The following TMEM182 variants were observed in gnomAD, a reference collection of about 807,000 sequenced individuals.
TMEM182 encodes the protein transmembrane protein 182.
A neutral mutation model predicts 26.8 loss-of-function variants in TMEM182; 20 were observed. The observed-to-expected ratio is 0.75, with a 90% CI of 0.53 to 1.09. The LOEUF (loss-of-function observed/expected upper bound fraction) is 1.09. Ranked by LOEUF, TMEM182 falls within the 50% of genes least tolerant of loss-of-function variation. TMEM182 has a pLI of 0.00. For missense variants in TMEM182, 277 were observed against 275.5 expected (o/e 1.01, Z -0.04); for synonymous variants, 109 against 102.2 (o/e 1.07, Z -0.40).
chr2:102,800,522 A>C (rs1682074182), intron 4 of TMEM182, among the ~76,000 whole-genome samples: 1 of 152,158 alleles, frequency 6.6e-6, no homozygotes, highest in African/African-American at 2.4e-5. Flanking sequence ...TGGCCAAAAA[A>C]ATTTTTCTCA....
chr2:102,772,038 A>T (rs1680696602), intron 3 of TMEM182, among the ~76,000 whole-genome samples: 1 of 152,174 alleles, frequency 6.6e-6, no homozygotes, highest in African/African-American at 2.4e-5. Flanking sequence ...TTATACTCAT[A>T]CTGCTTACAC....
Position 102,762,142 on chromosome 2 carries a change from G to GTT in TMEM182, c.-75_-74dup. 1 of 852,432 alleles carries GTT rather than the reference G, an allele frequency of 1.2e-6. No individual in the cohort carries two copies. The highest frequency in any genetic ancestry group is 3.3e-5 in the East Asian group (1 of 29,880). 52.8% of individuals were successfully genotyped at this position (852,432 alleles called of 1,614,324 possible). A position where few individuals can be genotyped will look rare whatever the true frequency, so the allele number is the denominator to read the frequency against. On this transcript the variant is annotated 5_prime_UTR_variant, in exon 1 of 5. Coordinates refer to ENST00000412401, the MANE Select transcript of TMEM182 (RefSeq NM_144632.5). ...TTATTCTTTTTTTTTTTTTTTTGCT[G>GTT]TTGTTTCTGAGAAACTAGGTGTCTT...
At chr2:102,803,347 C>T (rs1176341879) in intron 4 of TMEM182, among the ~76,000 whole-genome samples, 4 of 152,184 alleles carry the variant, frequency 2.6e-5, no homozygotes, top group East Asian at 1.9e-4. Flanking sequence ...GCAGCTCACC[C>T]GTCCTTCCCT....
At chr2:102,770,137 A>G (rs1680611903) in intron 3 of TMEM182, among the ~76,000 whole-genome samples, 1 of 152,182 alleles carries the variant, frequency 6.6e-6, no homozygotes, top group Admixed American at 6.6e-5. Flanking sequence ...AAGAAGAAAG[A>G]CAGCCCACAA....
chr2:102,783,068 C>T (rs992573092), intron 3 of TMEM182, among the ~76,000 whole-genome samples: 2 of 152,028 alleles, frequency 1.3e-5, no homozygotes, highest in Non-Finnish European at 2.9e-5. Context: ...AACTTGTTTC[C>T]AGAGCAACAG....
At chr2:102,838,220 A>G (rs150589347) in intron 3 of TMEM182, among the ~76,000 whole-genome samples, 1 of 152,238 alleles carries the variant, frequency 6.6e-6, no homozygotes, top group East Asian at 1.9e-4. Context: ...TTTGAGGGAT[A>G]GCTATGTTGT....
chr2:102,781,199 A>G (rs1489058316), intron 3 of TMEM182, among the ~76,000 whole-genome samples: 1 of 152,164 alleles, frequency 6.6e-6, no homozygotes, highest in Non-Finnish European at 1.5e-5. Flanking sequence ...TTATATTCTG[A>G]AGGAACAGCT....
At chr2:102,790,553 C>A (rs1432677431) in intron 3 of TMEM182, among the ~76,000 whole-genome samples, 1 of 152,198 alleles carries the variant, frequency 6.6e-6, no homozygotes, top group African/African-American at 2.4e-5. Context: ...CATAGATATG[C>A]AGAAGCACAC....
chr2:102,835,113 G>A (rs952315187), intron 3 of TMEM182, among the ~76,000 whole-genome samples: 51 of 152,274 alleles, frequency 3.3e-4, no homozygotes, highest in African/African-American at 1.2e-3. Context: ...GAGAAGTGCT[G>A]TAGAAATGCT....
At chr2:102,798,310 G>A (rs1284502439) in intron 4 of TMEM182, among the ~76,000 whole-genome samples, 1 of 152,132 alleles carries the variant, frequency 6.6e-6, no homozygotes, top group Non-Finnish European at 1.5e-5. Flanking sequence ...AGAAAACTCT[G>A]TCACTGACTC....
At position 102,815,805 on chromosome 2, in the gene TMEM182, TATTGCTATC is replaced by T; in HGVS notation, c.*841_*849del. 1 of 916,878 alleles carries T rather than the reference TATTGCTATC, an allele frequency of 1.1e-6. No homozygotes were observed. The highest frequency in any genetic ancestry group is 1.3e-6 in the Non-Finnish European group (1 of 767,818). 56.8% of individuals were successfully genotyped at this position (916,878 alleles called of 1,614,324 possible). ...TTTTAAAATTCTCATTTAAAAATTA[TATTGCTATC>T]ATTCAGCATGTGAAAATTTATTGAT... On this transcript the variant is annotated 3_prime_UTR_variant, in exon 5 of 5. Coordinates refer to ENST00000412401, the MANE Select transcript of TMEM182 (RefSeq NM_144632.5).
chr2:102,774,929 C>CTTAGTCTAGATTATTTGTTTAAATAT, intron 3 of TMEM182, among the ~76,000 whole-genome samples: 1 of 152,102 alleles, frequency 6.6e-6, no homozygotes, highest in Non-Finnish European at 1.5e-5. Context: ...AATTGTTTTA[C>CTTAGTCTAGATTATTTGTTTAAATAT]TTAGTCTAGA....
intron 3 of TMEM182, among the ~76,000 whole-genome samples, chr2:102,780,268 T>C (rs745916562): frequency 6.6e-6 from 1 of 152,190 alleles, no homozygotes; most frequent in Non-Finnish European, 1.5e-5. Flanking sequence ...TTAGTTGGCT[T>C]CCTTTCATAC....
At chr2:102,794,486 C>G (rs1681783324) in intron 3 of TMEM182, among the ~76,000 whole-genome samples, 1 of 152,218 alleles carries the variant, frequency 6.6e-6, no homozygotes, top group African/African-American at 2.4e-5. Context: ...TCCTGTAGAA[C>G]AGGTCTGTTG....
chr2:102,774,250 C>CTTTTTTTTTTTT (rs774047240), intron 3 of TMEM182, among the ~76,000 whole-genome samples: 144 of 96,088 alleles, frequency 1.5e-3, no homozygotes, highest in East Asian at 2.8e-3. Flanking sequence ...TTCTTTCTTT[C>CTTTTTTTTTTTT]TTTTTTTTTT....
chr2:102,761,795 G>T (rs1228249901), upstream of TMEM182, among the ~76,000 whole-genome samples: 1 of 152,190 alleles, frequency 6.6e-6, no homozygotes, highest in Non-Finnish European at 1.5e-5. Flanking sequence ...AAGATTTGGG[G>T]CCAATGCTTT....
chr2:102,764,385 ATG>A lies in TMEM182; in HGVS notation c.290_291del (p.Met97LysfsTer10). 1 of 1,613,960 alleles carries A rather than the reference ATG, an allele frequency of 6.2e-7. No homozygotes were observed. Among genetic ancestry groups the A allele is most frequent in the Non-Finnish European group, 8.5e-7 (1 of 1,179,900 alleles). Reference protein sequence around the residue: ...THAYLSPYPFMRGEHNSTSYD... With the variant: ...THAYLSPYPFXRGEHNSTSYD... ...TGCTTACCTGTCTCCGTACCCCTTCATGAGAGGCGAGCACAACTCGACCTCCT... is the reference window on the plus strand; with the variant it reads ...TGCTTACCTGTCTCCGTACCCCTTCAAGAGGCGAGCACAACTCGACCTCCT... On this transcript the variant is annotated frameshift_variant, in exon 3 of 5. Transcript: ENST00000412401. LOFTEE classifies it high-confidence loss of function.
In TMEM182 at chr2:102,817,550, T is replaced by C; in HGVS notation, c.*2582T>C. 1.0e-6 allele frequency: 1 copy of C among 984,684 alleles called. No homozygotes were observed. Among genetic ancestry groups the C allele is most frequent in the Admixed American group, 6.2e-5 (1 of 16,258 alleles). 61.0% of individuals were successfully genotyped at this position (984,684 alleles called of 1,614,324 possible). A position where few individuals can be genotyped will look rare whatever the true frequency, so the allele number is the denominator to read the frequency against. The stretch of plus-strand genomic sequence containing the variant: ...TCGTGTACAATTTGAGGGTTGATGG[T>C]AGGGCTTTCTAAAAAAAGTAATATC... On this transcript the variant is annotated 3_prime_UTR_variant, in exon 5 of 5. Coordinates refer to ENST00000412401, the MANE Select transcript of TMEM182 (RefSeq NM_144632.5).
intron 3 of TMEM182, among the ~76,000 whole-genome samples, chr2:102,830,767 G>T (rs1683134400): frequency 6.6e-6 from 1 of 152,064 alleles, no homozygotes. Context: ...ACCCTATTGT[G>T]CTATCATATA....
Sources: allele counts gnomAD v4.1 joint callset (sites outside exome capture counted in the v4.1 genomes callset), GRCh38; gene constraint gnomAD v4.1.1; transcripts MANE v1.5; gene names NCBI Gene and HGNC (gene_info 2026-07-23, HGNC 2026-07-21).